The following CDH13 variants were observed in gnomAD, a reference collection of about 807,000 sequenced individuals.
CDH13 encodes the protein cadherin 13, also known as cadherin-13.
CDH13 carries 24 observed loss-of-function variants against 63.8 expected under a neutral mutation model. The observed-to-expected ratio is 0.38, with a 90% CI of 0.27 to 0.53. The LOEUF (loss-of-function observed/expected upper bound fraction) is 0.53, where lower values mean the gene tolerates loss of function less well. Ranked by LOEUF, CDH13 falls within the 20% of genes least tolerant of loss-of-function variation. CDH13 has a pLI of 0.85. For missense variants in CDH13, 1,049 were observed against 903.1 expected (o/e 1.16, Z -2.07); for synonymous variants, 503 against 355.3 (o/e 1.42, Z -4.67).
At chr16:83,603,812 G>T (rs1908076980) in intron 8 of CDH13, among the ~76,000 whole-genome samples, 1 of 152,136 alleles carries the variant, frequency 6.6e-6, no homozygotes, top group Middle Eastern at 3.2e-3. Flanking sequence ...GGTTTAATTG[G>T]CTCATGATTC....
intron 2 of CDH13, among the ~76,000 whole-genome samples, chr16:82,982,029 C>T (rs1910329735): frequency 6.6e-6 from 1 of 152,144 alleles, no homozygotes; most frequent in Non-Finnish European, 1.5e-5. Context: ...ATTCTAACAG[C>T]ATGGTATATG....
chr16:83,318,173 T>C (rs1441500163), intron 5 of CDH13, among the ~76,000 whole-genome samples: 1 of 152,244 alleles, frequency 6.6e-6, no homozygotes, highest in African/African-American at 2.4e-5. Context: ...CTTAAGCTGC[T>C]GCTGCTTTTG....
intron 1 of CDH13, among the ~76,000 whole-genome samples, chr16:82,668,096 C>A (rs1912817381): frequency 6.6e-6 from 1 of 152,066 alleles, no homozygotes; most frequent in South Asian, 2.1e-4. Context: ...GATGGCTATA[C>A]CCTGCCAGGG....
chr16:83,045,512 C>G lies in CDH13; in HGVS notation c.366+13294C>G, dbSNP rs143291812. ...ATTATCCAGGCGTGGTGGCAGGTGC[C>G]TGTAATCCCAGCTACTTGGGAGGCT... On this transcript the variant is annotated intron_variant, in intron 3 of 13. Coordinates refer to ENST00000567109, the MANE Select transcript of CDH13 (RefSeq NM_001257.5). Among the ~76,000 whole-genome samples, 790 of 151,968 alleles carry G rather than the reference C, an allele frequency of 5.2e-3. 11 individuals are homozygous for G. Among genetic ancestry groups the G allele is most frequent in the African/African-American group, 0.018 (759 of 41,432 alleles).
At chr16:82,859,413 C>T (rs932287339) in intron 2 of CDH13, 4 of 152,150 alleles carry the variant, frequency 2.6e-5, no homozygotes, top group Admixed American at 2.6e-4. Context: ...CAAAACTTAG[C>T]TGGGCATGGT....
At chr16:83,332,667 C>T (rs2090504290) in intron 5 of CDH13, among the ~76,000 whole-genome samples, 1 of 152,054 alleles carries the variant, frequency 6.6e-6, no homozygotes, top group Non-Finnish European at 1.5e-5. Flanking sequence ...TTCCATCATC[C>T]AAGAGTTATA....
intron 7 of CDH13, among the ~76,000 whole-genome samples, chr16:83,579,490 G>A (rs1042480202): frequency 6.6e-6 from 1 of 151,900 alleles, no homozygotes; most frequent in African/African-American, 2.4e-5. Context: ...AGAAGGGGGA[G>A]GCACTACACA....
chr16:83,593,406 C>G (rs559206577), intron 7 of CDH13, among the ~76,000 whole-genome samples: 1 of 152,254 alleles, frequency 6.6e-6, no homozygotes, highest in South Asian at 2.1e-4. Context: ...ACTGGTGTCT[C>G]TGTTTCCAAC....
intron 7 of CDH13, chr16:83,508,456 C>T (rs4782540): frequency 0.55 from 84,182 of 153,140 alleles, 23,654 homozygotes; most frequent in East Asian, 0.84. Flanking sequence ...CACTCCCATA[C>T]AGGCTTTCAA....
intron 1 of CDH13, among the ~76,000 whole-genome samples, chr16:82,843,058 A>G (rs941417234): frequency 1.3e-5 from 2 of 152,212 alleles, no homozygotes; most frequent in African/African-American, 4.8e-5. Flanking sequence ...AAGGCTGCAG[A>G]TGGATACCCA....
chr16:82,861,074 A>G (rs548906231), intron 2 of CDH13, among the ~76,000 whole-genome samples: 1 of 152,338 alleles, frequency 6.6e-6, no homozygotes, highest in South Asian at 2.1e-4. Context: ...ATCTGAATGA[A>G]AAACGAAAAG....
intron 4 of CDH13, among the ~76,000 whole-genome samples, chr16:83,202,646 A>C (rs1220702269): frequency 1.3e-5 from 2 of 152,210 alleles, no homozygotes; most frequent in Non-Finnish European, 2.9e-5. Flanking sequence ...CTGAATGATA[A>C]GAATAATAAG....
At chr16:83,263,031 G>A (rs920216755) in intron 5 of CDH13, among the ~76,000 whole-genome samples, 1 of 152,178 alleles carries the variant, frequency 6.6e-6, no homozygotes, top group Non-Finnish European at 1.5e-5. Context: ...TTAGAGCTTG[G>A]CAAACCGTCT....
At chr16:83,727,290 T>C (rs1910524587) in intron 10 of CDH13, among the ~76,000 whole-genome samples, 1 of 152,138 alleles carries the variant, frequency 6.6e-6, no homozygotes, top group African/African-American at 2.4e-5. Flanking sequence ...ATATCCTTAA[T>C]GGTTTTGTAG....
chr16:83,496,205 A>G (rs1450797099), intron 7 of CDH13, among the ~76,000 whole-genome samples: 3 of 151,862 alleles, frequency 2.0e-5, no homozygotes, highest in African/African-American at 7.3e-5. Flanking sequence ...TCGCCAAGTC[A>G]ATCCTAAGCC....
intron 5 of CDH13, among the ~76,000 whole-genome samples, chr16:83,283,022 A>G (rs1476784026): frequency 1.3e-5 from 2 of 152,202 alleles, no homozygotes; most frequent in African/African-American, 4.8e-5. Context: ...AGCATTGCTG[A>G]GAAAATTAGG....
intron 5 of CDH13, among the ~76,000 whole-genome samples, chr16:83,306,523 C>T (rs1423071756): frequency 6.6e-6 from 1 of 152,190 alleles, no homozygotes; most frequent in Admixed American, 6.5e-5. Context: ...CTTTGACTTT[C>T]TCTACCTTGT....
chr16:82,863,167 A>G (rs1368216713), intron 2 of CDH13, among the ~76,000 whole-genome samples: 1 of 152,220 alleles, frequency 6.6e-6, no homozygotes, highest in East Asian at 1.9e-4. Context: ...AAATAGAGAC[A>G]GAAATGGACC....
At chr16:82,970,733 T>G (rs1384818812) in intron 2 of CDH13, among the ~76,000 whole-genome samples, 1 of 152,166 alleles carries the variant, frequency 6.6e-6, no homozygotes, top group Non-Finnish European at 1.5e-5. Context: ...CTCCTTGATC[T>G]GCATAATAGA....
Sources: gnomAD v4.1 joint callset for allele counts (sites outside exome capture counted in the v4.1 genomes callset) on GRCh38, gnomAD v4.1.1 for gene constraint, MANE v1.5 for transcripts, NCBI Gene and HGNC (gene_info 2026-07-23, HGNC 2026-07-21) for gene names.